IPO5: variants seen among roughly 807,000 people sequenced by gnomAD.
IPO5 encodes importin 5.
IPO5 carries 18 observed loss-of-function variants against 143.3 expected under a neutral mutation model. The ratio of observed to expected loss-of-function variants is 0.13; its 90% CI spans 0.09 to 0.19. IPO5 has a LOEUF of 0.19. IPO5 is among the 10% of genes least tolerant of loss of function. IPO5 has a pLI of 1.00. For missense variants in IPO5, 1,013 were observed against 1,336.9 expected (o/e 0.76, Z 3.78); for synonymous variants, 477 against 465.7 (o/e 1.02, Z -0.31).
intron 6 of IPO5, among the ~76,000 whole-genome samples, chr13:97,987,567 T>C (rs1207608698): frequency 6.6e-6 from 1 of 152,186 alleles, no homozygotes; most frequent in African/African-American, 2.4e-5. Context: ...TTGCCCAGGC[T>C]TGAGTACAGT....
intron 4 of IPO5, 143 bp from the exon 5 acceptor site, chr13:97,982,360 G>C: frequency 3.3e-6 from 2 of 608,452 alleles, no homozygotes; most frequent in Non-Finnish European, 5.8e-6. Flanking sequence ...TATCTGAAGT[G>C]TATTTCATGT....
intron 25 of IPO5, among the ~76,000 whole-genome samples, chr13:98,018,129 A>G (rs562580660): frequency 2.6e-5 from 4 of 152,324 alleles, no homozygotes; most frequent in Middle Eastern, 3.4e-3. Flanking sequence ...AATAAATGCT[A>G]TAAGTTAAGA....
intron 3 of IPO5, among the ~76,000 whole-genome samples, chr13:97,973,918 A>G (rs1268516260): frequency 1.3e-5 from 2 of 151,918 alleles, no homozygotes; most frequent in African/African-American, 2.4e-5. Context: ...AACTGGAAAC[A>G]TTAGCCAGGT....
At chr13:97,955,860 A>G (rs574790352) in intron 2 of IPO5, among the ~76,000 whole-genome samples, 1 of 152,318 alleles carries the variant, frequency 6.6e-6, no homozygotes, top group South Asian at 2.1e-4. Flanking sequence ...GGCCAGGCGC[A>G]GTGGCTCATG....
At chr13:98,020,937 AATCATAT>A in intron 27 of IPO5, 48 bp from the exon 28 acceptor site, 2 of 1,418,276 alleles carry the variant, frequency 1.4e-6, no homozygotes, top group South Asian at 2.5e-5. Context: ...GTGAACACAT[AATCATAT>A]TTCTCCTTAT....
At chr13:97,982,220 T>C (rs1886910111) in intron 4 of IPO5, 1 of 321,330 alleles carries the variant, frequency 3.1e-6, no homozygotes, top group Admixed American at 4.8e-5. Flanking sequence ...TTGGCCCTCT[T>C]AGGCCTTGAG....
intron 7 of IPO5, among the ~76,000 whole-genome samples, chr13:97,989,630 AT>A (rs1313428702): frequency 2.6e-5 from 4 of 152,164 alleles, no homozygotes; most frequent in Non-Finnish European, 4.4e-5. Flanking sequence ...GAATTAAGTG[AT>A]TATTCTTTGC....
intron 4 of IPO5, chr13:97,981,413 C>A: frequency 3.0e-6 from 1 of 333,172 alleles, no homozygotes. Context: ...AAGTCATTAA[C>A]TTATAAGCCT....
At chr13:97,964,800 A>T (rs1052272263) in intron 2 of IPO5, among the ~76,000 whole-genome samples, 7 of 152,112 alleles carry the variant, frequency 4.6e-5, no homozygotes, top group African/African-American at 1.7e-4. Context: ...TCAAGGATCT[A>T]GAACCACAAA....
At position 98,018,606 on chromosome 13, in the gene IPO5, A is replaced by G. The variant is rs769101138; in HGVS notation, c.2738A>G (p.Tyr913Cys). 3.7e-6 allele frequency: 6 copies of G among 1,614,058 alleles called. No homozygotes were observed. The African/African-American group carries it at 5.3e-5, about 14-fold the overall frequency. The change falls in exon 26 of 29, where the codon TAT (tyrosine) becomes TGT (cysteine). Residue 913 changes from tyrosine to cysteine, a missense_variant. Tyr to Cys is a radical substitution (Grantham distance 194). Transcript: ENST00000651721. ...AEYFLRPMLQ[Y>C]VCDNSPEVRQ... ...TATTTCTTAAGACCAATGCTCCAAT[A>G]TGTATGTGACAACAGCCCAGAAGTC...
chr13:98,010,625 T>G (rs752525560), intron 20 of IPO5, among the ~76,000 whole-genome samples: 1 of 152,068 alleles, frequency 6.6e-6, no homozygotes, highest in Non-Finnish European at 1.5e-5. Context: ...ACAAAACTTG[T>G]ATGATTTCAA....
chr13:98,015,805 AC>A, intron 24 of IPO5, 24 bp downstream of exon 24: 1 of 1,502,884 alleles, frequency 6.7e-7, no homozygotes, highest in East Asian at 2.3e-5. Flanking sequence ...TTTGGAACTT[AC>A]TTACGTGACC....
chr13:97,958,134 T>C (rs1284136073), intron 2 of IPO5, among the ~76,000 whole-genome samples: 2 of 151,848 alleles, frequency 1.3e-5, no homozygotes, highest in Admixed American at 6.6e-5. Flanking sequence ...TCAGGTGGAG[T>C]TGTCTTGCAG....
intron 25 of IPO5, among the ~76,000 whole-genome samples, chr13:98,017,808 G>A (rs1440258053): frequency 1.3e-5 from 2 of 151,416 alleles, no homozygotes; most frequent in South Asian, 4.2e-4. Context: ...TGTTTGTTTT[G>A]TTTTTTTGTA....
At position 98,018,415 on chromosome 13, in the gene IPO5, A is replaced by T. The variant is rs999049461; in HGVS notation, c.2617-70A>T. ...GAATATCAATGTAAGCAGATAGTCT[A>T]TAGTGAATATTTCTTTACATTCTTT... is the stretch of plus-strand genomic sequence containing the variant. On this transcript the variant is annotated intron_variant, in intron 25 of 28. Coordinates refer to ENST00000651721, the MANE Select transcript of IPO5 (RefSeq NM_002271.6). 1.4e-5 allele frequency: 16 copies of T among 1,118,640 alleles called. 1 individual carries two copies. Among genetic ancestry groups the T allele is most frequent in the African/African-American group, 4.6e-5 (3 of 64,874 alleles). The allele number at this position is 1,118,640 out of a possible 1,614,324, so 69.3% of individuals were successfully genotyped here. A position where few individuals can be genotyped will look rare whatever the true frequency, so the allele number is the denominator to read the frequency against.
Position 98,010,652 on chromosome 13 carries a change from A to G in IPO5, c.2055+428A>G, listed in dbSNP as rs143519940. On this transcript the variant is annotated intron_variant, in intron 20 of 28. Coordinates refer to ENST00000651721, the MANE Select transcript of IPO5 (RefSeq NM_002271.6). ...TGATTTCAATTGTGTAAAAAAACAG[A>G]TATGGCAGGAAAATCAAAATGTTCG... Among the ~76,000 whole-genome samples, 291 of 152,282 alleles carry G rather than the reference A, an allele frequency of 1.9e-3. 1 individual carries two copies. Among genetic ancestry groups the G allele is most frequent in the Non-Finnish European group, 2.8e-3 (190 of 68,032 alleles).
chr13:97,970,770 A>C (rs1885763658), intron 3 of IPO5, among the ~76,000 whole-genome samples: 1 of 152,240 alleles, frequency 6.6e-6, no homozygotes, highest in African/African-American at 2.4e-5. Context: ...TAATCAAATC[A>C]AACTTGATTT....
At chr13:98,003,440 G>T (rs1432543915) in intron 16 of IPO5, among the ~76,000 whole-genome samples, 1 of 152,128 alleles carries the variant, frequency 6.6e-6, no homozygotes, top group African/African-American at 2.4e-5. Flanking sequence ...AAGATTTAAG[G>T]CAAGACCATC....
rs142630426 is a variant in IPO5, at chr13:98,012,290, C to G, written c.2100C>G (p.Thr700=). The part of the protein sequence containing the change: ...KELKEGFVEY[T]EQVVKLMVPL... Reference sequence around the variant, plus strand: ...TAAAGGAAGGCTTTGTGGAGTACACCGAACAGGTTGTCAAACTGATGGTCC... The same window carrying G: ...TAAAGGAAGGCTTTGTGGAGTACACGGAACAGGTTGTCAAACTGATGGTCC... The change falls in exon 21 of 29, where the codon ACC becomes ACG. Residue 700 remains threonine (T), a synonymous_variant. Transcript: ENST00000651721. 2.5e-6 allele frequency: 4 copies of G among 1,612,896 alleles called. No individual in the cohort carries two copies. The East Asian group carries it at 8.9e-5, about 36-fold the overall frequency.
Sources: gnomAD v4.1 joint callset for allele counts (sites outside exome capture counted in the v4.1 genomes callset) on GRCh38, gnomAD v4.1.1 for gene constraint, MANE v1.5 for transcripts, NCBI Gene and HGNC (gene_info 2026-07-23, HGNC 2026-07-21) for gene names.